Variants in CAMSAP1 observed in about 807,000 individuals in gnomAD.
CAMSAP1 encodes calmodulin regulated spectrin associated protein 1, also known as calmodulin-regulated spectrin-associated protein 1.
In CAMSAP1, 58 loss-of-function variants were observed where a neutral mutation model predicts 143.5. That is an observed-to-expected ratio of 0.40 (90% CI 0.33 to 0.50). CAMSAP1 has a LOEUF of 0.50. Among genes scored for constraint, CAMSAP1 ranks in the 20% least tolerant of loss-of-function variants. CAMSAP1 has a pLI of 0.45. For synonymous variants in CAMSAP1, 945 were observed against 859.3 expected, an observed-to-expected ratio of 1.10 and a Z score of -1.74; for missense variants, 1,969 against 2,115.7, an observed-to-expected ratio of 0.93 and a Z score of 1.36.
At chr9:135,869,489 C>T (rs535158361) in intron 3 of CAMSAP1, among the ~76,000 whole-genome samples, 5 of 146,970 alleles carry the variant, frequency 3.4e-5, no homozygotes, top group African/African-American at 7.6e-5. Flanking sequence ...GGCAAAAGGG[C>T]GAGACTCAGT....
At chr9:135,878,159 G>T (rs1360874793) in intron 3 of CAMSAP1, among the ~76,000 whole-genome samples, 3 of 152,218 alleles carry the variant, frequency 2.0e-5, no homozygotes, top group African/African-American at 4.8e-5. Context: ...CGGCAGGGAG[G>T]CTCCTGCACC....
chr9:135,822,977 C>T lies in CAMSAP1; in HGVS notation c.1684G>A (p.Ala562Thr), dbSNP rs768827034. ...GTAAGGCCTAAGGCCCGGGGTGAGGCCCTGGGGAACTCCGGGTCAGCCTGC... is the reference window on the plus strand; with the variant it reads ...GTAAGGCCTAAGGCCCGGGGTGAGGTCCTGGGGAACTCCGGGTCAGCCTGC... The part of the protein sequence containing the change: ...PQQADPEFPR[A>T]SPRALGLTAN... The change falls in exon 11 of 17, where the codon GCC becomes ACC. Residue 562 changes from alanine to threonine, a missense_variant. Physicochemically the swap from Ala to Thr is moderately conservative, Grantham distance 58. This residue lies in a region of CAMSAP1 where 1,390 missense variants were observed against 1,420.8 expected (regional missense o/e 0.98). Coordinates refer to ENST00000389532, the MANE Select transcript of CAMSAP1 (RefSeq NM_015447.4). The surrounding 1 kb of genome is among the most constrained non-coding windows in gnomAD (Gnocchi z 6.1). 10 of 1,613,856 alleles carry T rather than the reference C, an allele frequency of 6.2e-6. No individual in the cohort carries two copies. Among genetic ancestry groups the T allele is most frequent in the Non-Finnish European group, 8.5e-6 (10 of 1,179,904 alleles).
chr9:135,827,694 T>A, intron 7 of CAMSAP1, 110 bp from the exon 8 acceptor site: 1 of 1,078,048 alleles, frequency 9.3e-7, no homozygotes, highest in Non-Finnish European at 1.2e-6. Flanking sequence ...GAAACCAAAC[T>A]TCTGCCAAAA....
chr9:135,862,264 C>A (rs1837223743), intron 5 of CAMSAP1, among the ~76,000 whole-genome samples: 1 of 150,028 alleles, frequency 6.7e-6, no homozygotes. Flanking sequence ...TTTCAAAGTG[C>A]AGTTTTGTCA....
chr9:135,883,055 C>A lies in CAMSAP1; in HGVS notation c.184G>T (p.Asp62Tyr), dbSNP rs959056257. Residue 62 changes from aspartate (D) to tyrosine (Y), a missense_variant, in exon 2 of 17, where the codon GAC becomes TAC. Coordinates refer to ENST00000389532, the MANE Select transcript of CAMSAP1 (RefSeq NM_015447.4). The part of the protein sequence containing the change: ...GRDNIPEDLR[D>Y]PFYVDQYEQE... Reference sequence around the variant, plus strand: ...TCATACTGGTCAACGTAGAAAGGGTCTCTGAGGTCCTCAGGGATGTTATCT... The same window carrying A: ...TCATACTGGTCAACGTAGAAAGGGTATCTGAGGTCCTCAGGGATGTTATCT... The A allele has an allele frequency of 6.4e-7, 1 of 1,551,692 alleles. No individual in the cohort carries two copies. The highest frequency in any genetic ancestry group is 8.7e-7 in the Non-Finnish European group (1 of 1,146,988).
chr9:135,906,787 G>A (rs1302197550), intron 1 of CAMSAP1, among the ~76,000 whole-genome samples: 1 of 151,944 alleles, frequency 6.6e-6, no homozygotes, highest in Non-Finnish European at 1.5e-5. Context: ...GCCCTCCGCC[G>A]CAGGGACGCC....
chr9:135,880,555 A>T (rs1481292755), intron 3 of CAMSAP1, among the ~76,000 whole-genome samples: 1 of 151,240 alleles, frequency 6.6e-6, no homozygotes, highest in Non-Finnish European at 1.5e-5. Flanking sequence ...CAACTGTCTT[A>T]GAAAAAGTCG....
chr9:135,874,793 T>C (rs1837683983), intron 3 of CAMSAP1, among the ~76,000 whole-genome samples: 1 of 152,134 alleles, frequency 6.6e-6, no homozygotes, highest in African/African-American at 2.4e-5. Flanking sequence ...TCAATGCCAC[T>C]AGAATAAATA....
At chr9:135,830,977 C>A (rs1468464122) in intron 7 of CAMSAP1, among the ~76,000 whole-genome samples, 1 of 151,740 alleles carries the variant, frequency 6.6e-6, no homozygotes, top group African/African-American at 2.4e-5. Flanking sequence ...TCAAGACCAG[C>A]CTGGCCAACA....
In CAMSAP1 at chr9:135,811,125, C is replaced by T. The variant is rs532299493; in HGVS notation, c.*184G>A. ...CCTGGCATCCTCTGCGTGAGATGAG[C>T]GCTGAGAGAGGGGTTTTCTTCTGCT... On this transcript the variant is annotated 3_prime_UTR_variant, in exon 17 of 17. Coordinates refer to ENST00000389532, the MANE Select transcript of CAMSAP1 (RefSeq NM_015447.4). This position sits in a 1 kb window ranked among gnomAD's most constrained non-coding sequence, Gnocchi z 4.9. The T allele has an allele frequency of 9.3e-5, 64 of 686,162 alleles. No homozygotes were observed. Among genetic ancestry groups the T allele is most frequent in the African/African-American group, 4.5e-4 (25 of 55,382 alleles). 42.5% of individuals were successfully genotyped at this position (686,162 alleles called of 1,614,324 possible). A position where few individuals can be genotyped will look rare whatever the true frequency, so the allele number is the denominator to read the frequency against.
intron 5 of CAMSAP1, among the ~76,000 whole-genome samples, chr9:135,857,582 T>A (rs1837023441): frequency 6.6e-6 from 1 of 152,228 alleles, no homozygotes; most frequent in Admixed American, 6.5e-5. Flanking sequence ...CTCTAACATT[T>A]TCTCCTGCTC....
chr9:135,815,966 G>A lies in CAMSAP1; in HGVS notation c.4311C>T (p.Asn1437=), dbSNP rs1426109834. The change falls in exon 15 of 17, where the codon AAC becomes AAT. Residue 1437 remains asparagine (N), a synonymous_variant. Coordinates refer to ENST00000389532, the MANE Select transcript of CAMSAP1 (RefSeq NM_015447.4). ...AGTCTCGGTCTGTGCTCCTGCTTGG[G>A]TTACGGCTCAGTATGGGCAGGGCTT... The part of the protein sequence containing the change: ...SMEALPILSR[N]PSRSTDRDWE... 3 of 1,613,862 alleles carry A rather than the reference G, an allele frequency of 1.9e-6. No homozygotes were observed. Among genetic ancestry groups the A allele is most frequent in the Admixed American group, 1.7e-5 (1 of 60,030 alleles).
At chr9:135,891,712 A>G (rs1838296728) in intron 1 of CAMSAP1, among the ~76,000 whole-genome samples, 2 of 152,236 alleles carry the variant, frequency 1.3e-5, no homozygotes, top group South Asian at 4.1e-4. Context: ...TTTTCAAAGG[A>G]AGAGACAACC....
chr9:135,842,909 C>G (rs1182746168), intron 7 of CAMSAP1, among the ~76,000 whole-genome samples: 1 of 152,188 alleles, frequency 6.6e-6, no homozygotes, highest in Non-Finnish European at 1.5e-5. Context: ...ACCATCAACA[C>G]TATCTATGAA....
intron 1 of CAMSAP1, among the ~76,000 whole-genome samples, chr9:135,896,249 AAGC>A (rs1212327729): frequency 6.6e-6 from 1 of 152,202 alleles, no homozygotes. Flanking sequence ...TTTTTAAAAA[AAGC>A]AGAACTACAT....
At chr9:135,869,231 G>A (rs560650928) in intron 3 of CAMSAP1, among the ~76,000 whole-genome samples, 126 of 152,106 alleles carry the variant, frequency 8.3e-4, no homozygotes, top group African/African-American at 2.5e-3. Flanking sequence ...AGTCAGGCAC[G>A]GTGGCTCACA....
intron 5 of CAMSAP1, among the ~76,000 whole-genome samples, chr9:135,861,516 G>C (rs1837191965): frequency 6.6e-6 from 1 of 152,132 alleles, no homozygotes; most frequent in Non-Finnish European, 1.5e-5. Context: ...TGTTGGTCAG[G>C]CTGGTCTCTA....
At position 135,836,318 on chromosome 9, in the gene CAMSAP1, G is replaced by A. The variant is rs376928856; in HGVS notation, c.1046-8734C>T. On this transcript the variant is annotated intron_variant, in intron 7 of 16. Coordinates refer to ENST00000389532, the MANE Select transcript of CAMSAP1 (RefSeq NM_015447.4). Reference sequence around the variant, plus strand: ...CTTCTACCCTGTTCTACAGACACACGTCACCACGCGCCTTCTACCCATTCC... The same window carrying A: ...CTTCTACCCTGTTCTACAGACACACATCACCACGCGCCTTCTACCCATTCC... The A allele has an allele frequency of 4.6e-4, 443 of 962,812 alleles. 3 individuals carry two copies. The African/African-American group carries it at 7.0e-3, about 15-fold the overall frequency. The allele number at this position is 962,812 out of a possible 1,614,324, so 59.6% of individuals were successfully genotyped here.
In CAMSAP1 at chr9:135,810,887, G is replaced by C. The variant is rs1835023198; in HGVS notation, c.*422C>G. 5.2e-6 allele frequency: 1 copy of C among 193,370 alleles called. No individual in the cohort carries two copies. Among genetic ancestry groups the C allele is most frequent in the Non-Finnish European group, 1.1e-5 (1 of 92,692 alleles). The allele number at this position is 193,370 out of a possible 1,614,324, so 12.0% of individuals were successfully genotyped here. A position where few individuals can be genotyped will look rare whatever the true frequency, so the allele number is the denominator to read the frequency against. Reference sequence around the variant, plus strand: ...ACGAGATTACAGCTGGCCAATATGAGGGTGTCAGGCAATGTGCAAGGGGGC... The same window carrying C: ...ACGAGATTACAGCTGGCCAATATGACGGTGTCAGGCAATGTGCAAGGGGGC... On this transcript the variant is annotated 3_prime_UTR_variant, in exon 17 of 17. Transcript: ENST00000389532.
Sources: allele counts gnomAD v4.1 joint callset (sites outside exome capture counted in the v4.1 genomes callset), GRCh38; gene constraint gnomAD v4.1.1; regional missense constraint gnomAD v4.1.1; non-coding constraint Gnocchi (gnomAD v3.1); transcripts MANE v1.5; gene names NCBI Gene and HGNC (gene_info 2026-07-23, HGNC 2026-07-21).